ELF1: variants seen among roughly 807,000 people sequenced by gnomAD.
ELF1 encodes the protein E74 like ETS transcription factor 1.
In ELF1, 24 loss-of-function variants were observed where a neutral mutation model predicts 59.9. The observed-to-expected ratio is 0.40, with a 90% CI of 0.29 to 0.56. ELF1 has a LOEUF of 0.56. Among genes scored for constraint, ELF1 ranks in the 20% least tolerant of loss-of-function variants. ELF1 has a pLI of 0.44. For missense variants in ELF1, 627 were observed against 742.2 expected (o/e 0.84, Z 1.80); for synonymous variants, 248 against 266.2 (o/e 0.93, Z 0.67).
At chr13:41,018,063 C>T (rs967219714) in intron 1 of ELF1, among the ~76,000 whole-genome samples, 8 of 152,166 alleles carry the variant, frequency 5.3e-5, no homozygotes, top group Non-Finnish European at 2.9e-5. Flanking sequence ...GACAGGCCTT[C>T]AAGCACTTAG....
chr13:40,940,774 T>G (rs1320902688), intron 8 of ELF1, 147 bp downstream of exon 8: 1 of 826,120 alleles, frequency 1.2e-6, no homozygotes, highest in Non-Finnish European at 1.8e-6. Context: ...TAATAGTAAC[T>G]GCTCCTGAAA....
intron 8 of ELF1, among the ~76,000 whole-genome samples, chr13:40,939,274 T>C (rs1869982512): frequency 2.0e-5 from 3 of 152,244 alleles, no homozygotes; most frequent in African/African-American, 4.8e-5. Context: ...GATGGTGTCA[T>C]TACACTCCAG....
At chr13:40,966,513 G>A (rs1336058284) in intron 2 of ELF1, among the ~76,000 whole-genome samples, 1 of 152,164 alleles carries the variant, frequency 6.6e-6, no homozygotes, top group Non-Finnish European at 1.5e-5. Flanking sequence ...ATACCATCAA[G>A]TTAAAAAGAG....
chr13:40,946,343 T>C (rs1024788686), intron 5 of ELF1, among the ~76,000 whole-genome samples: 1 of 152,232 alleles, frequency 6.6e-6, no homozygotes, highest in Non-Finnish European at 1.5e-5. Flanking sequence ...TTCAAAACAA[T>C]GAATATATTC....
chr13:41,039,391 C>T (rs1876519708), intron 1 of ELF1, among the ~76,000 whole-genome samples: 1 of 135,160 alleles, frequency 7.4e-6, no homozygotes, highest in South Asian at 2.4e-4. Flanking sequence ...CAAGCAAATA[C>T]ATTTGTCAAA....
At chr13:40,935,867 G>GT (rs1055133266) in intron 8 of ELF1, among the ~76,000 whole-genome samples, 7 of 151,816 alleles carry the variant, frequency 4.6e-5, no homozygotes, top group Admixed American at 3.3e-4. Context: ...TAGGAACAGG[G>GT]TTTCACCACG....
At chr13:40,974,436 G>A (rs1326780225) in intron 2 of ELF1, among the ~76,000 whole-genome samples, 3 of 152,174 alleles carry the variant, frequency 2.0e-5, no homozygotes, top group Admixed American at 1.3e-4. Context: ...TAGTAGCTAT[G>A]AAATTACAGG....
At chr13:41,005,909 T>C (rs941920662) in intron 1 of ELF1, among the ~76,000 whole-genome samples, 6 of 152,314 alleles carry the variant, frequency 3.9e-5, no homozygotes, top group African/African-American at 1.4e-4. Flanking sequence ...ATCTTATCCA[T>C]TCATATTGGT....
At chr13:40,938,490 T>G (rs1869930480) in intron 8 of ELF1, among the ~76,000 whole-genome samples, 1 of 152,220 alleles carries the variant, frequency 6.6e-6, no homozygotes, top group Non-Finnish European at 1.5e-5. Flanking sequence ...GTGTAGCAAG[T>G]CATTAACTTC....
At chr13:40,939,228 C>T (rs1317375616) in intron 8 of ELF1, among the ~76,000 whole-genome samples, 1 of 152,042 alleles carries the variant, frequency 6.6e-6, no homozygotes, top group Admixed American at 6.6e-5. Context: ...GGTGAGAGGA[C>T]TGCTTGAGTC....
intron 1 of ELF1, chr13:41,060,788 C>T (rs770145981): frequency 5.9e-6 from 1 of 168,650 alleles, no homozygotes; most frequent in African/African-American, 2.4e-5. Context: ...ACCAGGAATC[C>T]TAACCGCTAG....
intron 3 of ELF1, among the ~76,000 whole-genome samples, chr13:40,954,305 A>G (rs933562195): frequency 4.6e-5 from 7 of 152,216 alleles, no homozygotes; most frequent in African/African-American, 1.7e-4. Flanking sequence ...GTAAACCCCA[A>G]TGTTGGAGGA....
chr13:40,945,349 T>C (rs1030913896), intron 5 of ELF1, among the ~76,000 whole-genome samples: 7 of 152,156 alleles, frequency 4.6e-5, no homozygotes, highest in Admixed American at 3.3e-4. Flanking sequence ...TGGTTAGATA[T>C]AGAATTTTTG....
chr13:41,041,407 A>T (rs1291019940), intron 1 of ELF1, among the ~76,000 whole-genome samples: 1 of 152,130 alleles, frequency 6.6e-6, no homozygotes, highest in Non-Finnish European at 1.5e-5. Flanking sequence ...AGCCAGGTGC[A>T]GTGGTTCATG....
intron 1 of ELF1, among the ~76,000 whole-genome samples, chr13:41,004,573 T>C (rs1371318725): frequency 2.0e-5 from 3 of 152,174 alleles, no homozygotes; most frequent in Admixed American, 6.5e-5. Flanking sequence ...CCATTTCATC[T>C]TTCATCTTGA....
At chr13:40,946,742 G>A (rs1483567273) in intron 5 of ELF1, among the ~76,000 whole-genome samples, 5 of 152,146 alleles carry the variant, frequency 3.3e-5, no homozygotes, top group Admixed American at 1.3e-4. Context: ...GCTCACACCT[G>A]TAATCTCAGC....
chr13:40,971,813 AG>A (rs1872563342), intron 2 of ELF1, among the ~76,000 whole-genome samples: 1 of 152,228 alleles, frequency 6.6e-6, no homozygotes, highest in African/African-American at 2.4e-5. Context: ...CATCTCAAAA[AG>A]TAAGAGTCAA....
At chr13:40,986,612 G>A (rs1367541104) in intron 1 of ELF1, among the ~76,000 whole-genome samples, 2 of 151,130 alleles carry the variant, frequency 1.3e-5, no homozygotes, top group African/African-American at 4.9e-5. Context: ...AAGGTTTGGC[G>A]TCTTTTTAAC....
intron 7 of ELF1, among the ~76,000 whole-genome samples, chr13:40,942,656 G>A (rs1041792711): frequency 2.6e-5 from 4 of 152,044 alleles, no homozygotes; most frequent in African/African-American, 9.7e-5. Context: ...GAGTAGCTGG[G>A]ACCACAGGTG....
Sources: allele counts gnomAD v4.1 joint callset (sites outside exome capture counted in the v4.1 genomes callset), GRCh38; gene constraint gnomAD v4.1.1; transcripts MANE v1.5; gene names NCBI Gene and HGNC (gene_info 2026-07-23, HGNC 2026-07-21).